The following EXOC4 variants were observed in gnomAD, a reference collection of about 807,000 sequenced individuals.
EXOC4 encodes the protein SEC8-like 1.
Under a neutral mutation model 107.2 loss-of-function variants are expected in EXOC4, and 71 were observed. The observed-to-expected ratio is 0.66, with a 90% CI of 0.55 to 0.81. EXOC4 has a LOEUF of 0.81. Among genes scored for constraint, EXOC4 ranks in the 30% least tolerant of loss-of-function variants. EXOC4 has a pLI of 0.00. For missense variants in EXOC4, 1,108 were observed against 1,189.6 expected, an observed-to-expected ratio of 0.93 and a Z score of 1.01; for synonymous variants, 456 against 441.2, an observed-to-expected ratio of 1.03 and a Z score of -0.42.
intron 10 of EXOC4, among the ~76,000 whole-genome samples, chr7:133,725,986 T>C (rs1007643725): frequency 6.6e-6 from 1 of 152,198 alleles, no homozygotes; most frequent in African/African-American, 2.4e-5. Flanking sequence ...TTCACTGTGA[T>C]GGGAAAGACT....
At chr7:133,630,346 TTTTA>T (rs764580701) in intron 10 of EXOC4, 5 of 515,208 alleles carry the variant, frequency 9.7e-6, no homozygotes, top group African/African-American at 1.9e-5. Flanking sequence ...GAGTAAATAC[TTTTA>T]TTTGATTTTC....
intron 10 of EXOC4, among the ~76,000 whole-genome samples, chr7:133,655,573 T>C (rs1405515169): frequency 2.6e-5 from 4 of 152,214 alleles, no homozygotes; most frequent in African/African-American, 9.6e-5. Flanking sequence ...TTTTACTTTT[T>C]AAAATTTTTG....
chr7:133,867,390 C>T (rs1798662834), intron 11 of EXOC4, among the ~76,000 whole-genome samples: 1 of 152,184 alleles, frequency 6.6e-6, no homozygotes, highest in Non-Finnish European at 1.5e-5. Context: ...GTTCTCATTA[C>T]CATTATGGCA....
chr7:134,050,150 A>G (rs1209519548), intron 17 of EXOC4, among the ~76,000 whole-genome samples: 1 of 152,200 alleles, frequency 6.6e-6, no homozygotes, highest in Non-Finnish European at 1.5e-5. Flanking sequence ...TGTATAAAAT[A>G]TATTTGGAAG....
In EXOC4 at chr7:133,545,853, A is replaced by G. The variant is rs1800470263; in HGVS notation, c.1417+65715A>G. Among the ~76,000 whole-genome samples the G allele has an allele frequency of 1.3e-5, 2 of 152,210 alleles. 1 individual carries two copies. The highest frequency in any genetic ancestry group is 4.1e-4 in the South Asian group (2 of 4,836). ...CTTCCAATACATGAGGATGGTTGGC[A>G]TGTTCTCACTGAGCCTCCCTTTTTC... On this transcript the variant is annotated intron_variant, in intron 9 of 17. Coordinates refer to ENST00000253861, the MANE Select transcript of EXOC4 (RefSeq NM_021807.4).
chr7:133,848,203 A>G (rs531576559), intron 11 of EXOC4, among the ~76,000 whole-genome samples: 1 of 152,154 alleles, frequency 6.6e-6, no homozygotes, highest in Non-Finnish European at 1.5e-5. Context: ...TCACCTAGCA[A>G]AGGGAACAAA....
At position 133,420,103 on chromosome 7, in the gene EXOC4, A is replaced by G. The variant is rs1278633988; in HGVS notation, c.1182+45101A>G. On this transcript the variant is annotated intron_variant, in intron 7 of 17. Transcript: ENST00000253861. ...TCATCTAGCATTAGGTATATCTCCT[A>G]ATGCTATCCCTCCCCCCTCCCCCCA... 1.6e-3 allele frequency among the ~76,000 whole-genome samples: 232 copies of G among 142,024 alleles called. 5 individuals are homozygous for G. Among genetic ancestry groups the G allele is most frequent in the Admixed American group, 0.013 (181 of 14,334 alleles). The allele number at this position is 142,024 out of a possible 152,430, so 93.2% of individuals were successfully genotyped here. A position where few individuals can be genotyped will look rare whatever the true frequency, so the allele number is the denominator to read the frequency against.
chr7:134,048,598 G>A (rs1795709861), intron 17 of EXOC4, among the ~76,000 whole-genome samples: 1 of 152,166 alleles, frequency 6.6e-6, no homozygotes, highest in Admixed American at 6.5e-5. Context: ...GAACCTTTGA[G>A]TAAAGGGTGT....
chr7:133,452,722 G>C (rs756562999), intron 7 of EXOC4, among the ~76,000 whole-genome samples: 1 of 151,788 alleles, frequency 6.6e-6, no homozygotes, highest in African/African-American at 2.4e-5. Flanking sequence ...TGTACCCTGT[G>C]GAACATGTGC....
At chr7:133,913,468 TTAAATA>T (rs1799740196) in intron 12 of EXOC4, among the ~76,000 whole-genome samples, 1 of 152,182 alleles carries the variant, frequency 6.6e-6, no homozygotes, top group South Asian at 2.1e-4. Flanking sequence ...AGATGAGGGT[TTAAATA>T]TAGGTTAATA....
At chr7:133,927,087 G>A (rs1476388871) in intron 13 of EXOC4, among the ~76,000 whole-genome samples, 1 of 150,958 alleles carries the variant, frequency 6.6e-6, no homozygotes, top group East Asian at 2.0e-4. Flanking sequence ...AGTAAACGTT[G>A]AATGAATGAG....
the EXOC4 span, among the ~76,000 whole-genome samples, chr7:134,085,970 C>G: frequency 6.5e-4 from 99 of 152,302 alleles, no homozygotes; most frequent in African/African-American, 2.4e-3. Context: ...AACTTCTCAC[C>G]TCTGGCTGAC....
At chr7:133,980,821 G>A (rs958688732) in intron 14 of EXOC4, among the ~76,000 whole-genome samples, 4 of 152,154 alleles carry the variant, frequency 2.6e-5, no homozygotes, top group African/African-American at 9.7e-5. Context: ...TAGGGATTAT[G>A]TGGCAAAACT....
chr7:133,609,784 A>G (rs1391935571), intron 9 of EXOC4, among the ~76,000 whole-genome samples: 1 of 152,208 alleles, frequency 6.6e-6, no homozygotes, highest in Non-Finnish European at 1.5e-5. Context: ...TTCCCACTGA[A>G]CATTCTGCTT....
At chr7:133,896,159 C>T (rs1020033736) in intron 12 of EXOC4, among the ~76,000 whole-genome samples, 3 of 152,280 alleles carry the variant, frequency 2.0e-5, no homozygotes, top group South Asian at 4.1e-4. Flanking sequence ...TAATTTGTAG[C>T]ATTCCTACTG....
intron 14 of EXOC4, among the ~76,000 whole-genome samples, chr7:133,951,670 G>T (rs931622823): frequency 6.6e-6 from 1 of 152,096 alleles, no homozygotes; most frequent in Non-Finnish European, 1.5e-5. Context: ...TTGCTGTATT[G>T]CATTTGAAAT....
intron 9 of EXOC4, among the ~76,000 whole-genome samples, chr7:133,490,918 T>TATAGCA (rs1260065562): frequency 6.6e-6 from 1 of 152,212 alleles, no homozygotes; most frequent in Non-Finnish European, 1.5e-5. Context: ...TTATAGCATA[T>TATAGCA]TATATTAGAC....
intron 11 of EXOC4, among the ~76,000 whole-genome samples, chr7:133,845,364 G>GTGTGTGTGTGTA (rs1467237968): frequency 5.4e-5 from 8 of 148,958 alleles, no homozygotes; most frequent in African/African-American, 2.0e-4. Flanking sequence ...GTGTGTGTGT[G>GTGTGTGTGTGTA]TGTGTAAAAT....
intron 7 of EXOC4, among the ~76,000 whole-genome samples, chr7:133,462,482 A>G (rs1344065101): frequency 6.6e-6 from 1 of 152,184 alleles, no homozygotes; most frequent in Non-Finnish European, 1.5e-5. Context: ...GAAGGTAGAG[A>G]TAACAGCTCC....
Sources: allele counts gnomAD v4.1 joint callset (sites outside exome capture counted in the v4.1 genomes callset), GRCh38; gene constraint gnomAD v4.1.1; transcripts MANE v1.5; gene names NCBI Gene and HGNC (gene_info 2026-07-23, HGNC 2026-07-21).